Variants in NINL observed in about 807,000 individuals in gnomAD.
NINL encodes the protein ninein like.
Under a neutral mutation model 160.3 loss-of-function variants are expected in NINL, and 153 were observed. That is an observed-to-expected ratio of 0.95 (90% CI 0.84 to 1.09). NINL has a LOEUF of 1.09. NINL is among the 50% of genes least tolerant of loss of function. NINL has a pLI of 0.00. For synonymous variants in NINL, 800 were observed against 734.8 expected (o/e 1.09, Z -1.43); for missense variants, 1,829 against 1,764.0 (o/e 1.04, Z -0.66).
intron 2 of NINL, among the ~76,000 whole-genome samples, chr20:25,525,375 G>A (rs527962225): frequency 6.6e-6 from 1 of 152,324 alleles, no homozygotes; most frequent in South Asian, 2.1e-4. Context: ...ATACTGGCTG[G>A]GTGCAGTGGC....
At chr20:25,501,687 G>GT (rs1045472755) in intron 7 of NINL, among the ~76,000 whole-genome samples, 11 of 152,128 alleles carry the variant, frequency 7.2e-5, no homozygotes. Flanking sequence ...CTTCTTTGTC[G>GT]TTCTCACTGA....
At chr20:25,494,668 G>T (rs1039397011) in intron 10 of NINL, among the ~76,000 whole-genome samples, 1 of 152,224 alleles carries the variant, frequency 6.6e-6, no homozygotes, top group African/African-American at 2.4e-5. Flanking sequence ...ACTGAACCAT[G>T]TGGAGGTGGC....
intron 1 of NINL, among the ~76,000 whole-genome samples, chr20:25,549,244 C>G (rs1346477224): frequency 6.7e-6 from 1 of 150,058 alleles, no homozygotes; most frequent in Non-Finnish European, 1.5e-5. Context: ...CCACACCCAG[C>G]CTCACCCAGG....
intron 2 of NINL, among the ~76,000 whole-genome samples, chr20:25,519,307 T>C (rs1206371483): frequency 1.3e-5 from 2 of 152,174 alleles, no homozygotes; most frequent in Admixed American, 6.5e-5. Flanking sequence ...ATTTTATATG[T>C]TTTAAACCCT....
intron 13 of NINL, among the ~76,000 whole-genome samples, chr20:25,485,839 G>A (rs1601107380): frequency 6.6e-6 from 1 of 152,294 alleles, no homozygotes; most frequent in South Asian, 2.1e-4. Flanking sequence ...GTTCTGTCCA[G>A]GGCCAGGTGC....
chr20:25,475,858 G>A (rs1282532847), intron 17 of NINL, among the ~76,000 whole-genome samples, 185 bp downstream of exon 17: 1 of 152,196 alleles, frequency 6.6e-6, no homozygotes, highest in Non-Finnish European at 1.5e-5. Context: ...AGATGACCGT[G>A]GCATTCCGGG....
intron 1 of NINL, among the ~76,000 whole-genome samples, chr20:25,543,175 A>AC (rs1250283377): frequency 1.3e-5 from 2 of 152,074 alleles, no homozygotes; most frequent in Non-Finnish European, 2.9e-5. Flanking sequence ...AGACACACAC[A>AC]CCCCCCTCCC....
At chr20:25,545,563 G>A (rs557497978) in intron 1 of NINL, among the ~76,000 whole-genome samples, 1 of 152,068 alleles carries the variant, frequency 6.6e-6, no homozygotes, top group African/African-American at 2.4e-5. Context: ...ATGACAGGAT[G>A]GGGGGTTGGA....
chr20:25,475,906 G>A, intron 17 of NINL, 137 bp downstream of exon 17: 2 of 858,874 alleles, frequency 2.3e-6, no homozygotes, highest in South Asian at 3.5e-5. Flanking sequence ...AGGCTGAAGG[G>A]CTACACAGCC....
intron 9 of NINL, 76 bp from the exon 10 acceptor site, chr20:25,496,879 C>T: frequency 1.3e-6 from 2 of 1,567,188 alleles, no homozygotes; most frequent in Non-Finnish European, 1.7e-6. Context: ...GCTCTGGGCC[C>T]CATATCTGCA....
chr20:25,496,781 T>C lies in NINL; in HGVS notation c.1192A>G (p.Arg398Gly). The stretch of plus-strand genomic sequence containing the variant: ...TCCTGCCTTGCCTTGTCACGCTCCC[T>C]TGCCAGCTGCTCCACCTGCCCTCTG... ...YQQGQVEQLA[R>G]ERDKARQDLE... Residue 398 changes from arginine (R) to glycine (G), a missense_variant, in exon 10 of 24, where the codon AGG becomes GGG. Physicochemically the swap from Arg to Gly is moderately radical, Grantham distance 125 (BLOSUM62 -2). Transcript: ENST00000278886. The C allele has an allele frequency of 2.5e-6, 4 of 1,614,006 alleles. No homozygotes were observed. Among genetic ancestry groups the C allele is most frequent in the Non-Finnish European group, 3.4e-6 (4 of 1,180,010 alleles).
chr20:25,549,428 C>T (rs1007404812), intron 1 of NINL, among the ~76,000 whole-genome samples: 1 of 152,076 alleles, frequency 6.6e-6, no homozygotes, highest in Admixed American at 6.5e-5. Context: ...CCCATGGCCA[C>T]AGCTCCCACA....
chr20:25,473,713 C>T (rs916512425), intron 17 of NINL, among the ~76,000 whole-genome samples: 23 of 124,434 alleles, frequency 1.8e-4, no homozygotes, highest in African/African-American at 7.0e-4. Flanking sequence ...CACACACACA[C>T]ACACATCAGC....
intron 1 of NINL, among the ~76,000 whole-genome samples, chr20:25,538,554 C>T (rs1014991025): frequency 1.3e-5 from 2 of 152,148 alleles, no homozygotes; most frequent in African/African-American, 4.8e-5. Flanking sequence ...CAGACATGGT[C>T]CTAGGCTGCC....
At chr20:25,501,114 A>C in intron 7 of NINL, 104 bp from the exon 8 acceptor site, 1 of 1,420,308 alleles carries the variant, frequency 7.0e-7, no homozygotes, top group Non-Finnish European at 9.4e-7. Flanking sequence ...AGAGGGCCTC[A>C]CAGGAACAGC....
chr20:25,508,484 C>T (rs1242397444), intron 5 of NINL, among the ~76,000 whole-genome samples: 1 of 152,254 alleles, frequency 6.6e-6, no homozygotes, highest in African/African-American at 2.4e-5. Flanking sequence ...AAGGGAATGG[C>T]GGGGCACCCT....
chr20:25,526,370 C>A, intron 2 of NINL, 38 bp downstream of exon 2: 1 of 1,568,606 alleles, frequency 6.4e-7, no homozygotes, highest in Non-Finnish European at 8.7e-7. Flanking sequence ...ACTATAGACC[C>A]CGTGCTTTCC....
intron 2 of NINL, among the ~76,000 whole-genome samples, chr20:25,518,098 A>C (rs970092359): frequency 6.6e-6 from 1 of 152,348 alleles, no homozygotes; most frequent in African/African-American, 2.4e-5. Context: ...AAACAACATA[A>C]TTAGGAAAGA....
At chr20:25,471,472 G>C (rs1378363772) in intron 17 of NINL, among the ~76,000 whole-genome samples, 1 of 152,174 alleles carries the variant, frequency 6.6e-6, no homozygotes, top group East Asian at 1.9e-4. Context: ...ACAAGTTGAT[G>C]CAAGGCCGAA....
Sources: gnomAD v4.1 joint callset for allele counts (sites outside exome capture counted in the v4.1 genomes callset) on GRCh38, gnomAD v4.1.1 for gene constraint, MANE v1.5 for transcripts, NCBI Gene and HGNC (gene_info 2026-07-23, HGNC 2026-07-21) for gene names.